INSYN2B: variants seen among roughly 807,000 people sequenced by gnomAD.
INSYN2B encodes the protein inhibitory synaptic factor family member 2B.
Under a neutral mutation model 41.2 loss-of-function variants are expected in INSYN2B, and 16 were observed. The observed-to-expected ratio is 0.39, with a 90% confidence interval of 0.26 to 0.59. INSYN2B has a LOEUF of 0.59. Ranked by LOEUF, INSYN2B falls within the 20% of genes least tolerant of loss-of-function variation. The probability of loss-of-function intolerance (pLI) is 0.57; values close to 1 mark genes in which losing one functional copy is unlikely to be tolerated. For missense variants in INSYN2B, 608 were observed against 646.4 expected, an observed-to-expected ratio of 0.94 and a Z score of 0.64; for synonymous variants, 245 against 244.4, an observed-to-expected ratio of 1.00 and a Z score of -0.02.
intron 1 of INSYN2B, among the ~76,000 whole-genome samples, chr5:169,926,265 T>C (rs1029924205): frequency 6.6e-6 from 1 of 152,240 alleles, no homozygotes; most frequent in Non-Finnish European, 1.5e-5. Context: ...ACCTGCCACC[T>C]GCAGACCCTG....
At chr5:169,910,487 G>C (rs924810838) in intron 1 of INSYN2B, among the ~76,000 whole-genome samples, 1 of 152,106 alleles carries the variant, frequency 6.6e-6, no homozygotes, top group Admixed American at 6.5e-5. Flanking sequence ...GGTTGGAGGC[G>C]TGCTTACCTT....
chr5:169,978,431 G>T, intron 1 of INSYN2B, among the ~76,000 whole-genome samples: 1 of 141,486 alleles, frequency 7.1e-6, no homozygotes, highest in African/African-American at 2.6e-5. Context: ...ATTAGAGGTT[G>T]TTAAATAGAT....
intron 3 of INSYN2B, among the ~76,000 whole-genome samples, chr5:169,871,145 T>C (rs1253887835): frequency 2.0e-5 from 3 of 152,146 alleles, no homozygotes; most frequent in Non-Finnish European, 4.4e-5. Context: ...AGTTTCTACC[T>C]CCAAATATCA....
At chr5:169,945,224 A>G (rs1475615857) in intron 1 of INSYN2B, among the ~76,000 whole-genome samples, 2 of 152,194 alleles carry the variant, frequency 1.3e-5, no homozygotes, top group Admixed American at 1.3e-4. Flanking sequence ...AAGTCATGCA[A>G]CCTCTCCAGG....
intron 1 of INSYN2B, among the ~76,000 whole-genome samples, chr5:169,947,093 A>G (rs560743106): frequency 6.6e-6 from 1 of 152,206 alleles, no homozygotes; most frequent in African/African-American, 2.4e-5. Flanking sequence ...TTTACACAAC[A>G]CTATGACTCC....
At chr5:169,953,299 C>G (rs1776739649) in intron 1 of INSYN2B, among the ~76,000 whole-genome samples, 1 of 149,800 alleles carries the variant, frequency 6.7e-6, no homozygotes, top group South Asian at 2.1e-4. Flanking sequence ...CACCATTATA[C>G]TCCAGCCTGG....
intron 1 of INSYN2B, among the ~76,000 whole-genome samples, chr5:169,946,782 A>G (rs1048891455): frequency 6.6e-6 from 1 of 152,222 alleles, no homozygotes; most frequent in Non-Finnish European, 1.5e-5. Flanking sequence ...CCTGTCATTG[A>G]GAGTGACGTG....
At chr5:169,944,543 G>A (rs559813155) in intron 1 of INSYN2B, among the ~76,000 whole-genome samples, 2 of 152,182 alleles carry the variant, frequency 1.3e-5, no homozygotes, top group Admixed American at 6.5e-5. Flanking sequence ...AAACTCCCCC[G>A]TCCTCAGTGG....
intron 1 of INSYN2B, among the ~76,000 whole-genome samples, chr5:169,938,477 A>G (rs888634611): frequency 1.3e-5 from 2 of 152,240 alleles, no homozygotes; most frequent in African/African-American, 4.8e-5. Context: ...CGAATACTGT[A>G]GGCAATTAGA....
At chr5:169,935,309 C>T (rs1246303223) in intron 1 of INSYN2B, among the ~76,000 whole-genome samples, 1 of 152,194 alleles carries the variant, frequency 6.6e-6, no homozygotes, top group Non-Finnish European at 1.5e-5. Context: ...AAAAAAAGGT[C>T]TCATCTCCCA....
rs10055680 is a variant in INSYN2B, at chr5:169,963,219, G to A, written c.-919+17058C>T. On this transcript the variant is annotated intron_variant, in intron 1 of 3. Coordinates refer to ENST00000377365, the MANE Select transcript of INSYN2B (RefSeq NM_001129891.3). ...ATGTTGCCTCTTTAAAGTGGTCCAC[G>A]TGGGGTGGGTATCAGTTTATGTCCA... Among the ~76,000 whole-genome samples, 788 of 152,288 alleles carry A rather than the reference G, an allele frequency of 5.2e-3. 5 individuals carry two copies. Among genetic ancestry groups the A allele is most frequent in the African/African-American group, 0.016 (685 of 41,546 alleles).
chr5:169,861,557 G>C lies in INSYN2B; in HGVS notation c.*2716C>G, dbSNP rs777554956. 6.6e-6 allele frequency among the ~76,000 whole-genome samples: 1 copy of C among 152,130 alleles called. No individual in the cohort carries two copies. Among genetic ancestry groups the C allele is most frequent in the Non-Finnish European group, 1.5e-5 (1 of 68,028 alleles). On this transcript the variant is annotated 3_prime_UTR_variant, in exon 4 of 4. Transcript: ENST00000377365. ...TTTCAATTTTATAAAAGTAATTTTT[G>C]CTAAGTTAATATCTCTCCAGCAAAC...
chr5:169,894,729 A>G (rs1261118741), intron 1 of INSYN2B, among the ~76,000 whole-genome samples: 2 of 152,244 alleles, frequency 1.3e-5, no homozygotes, highest in African/African-American at 4.8e-5. Context: ...GTAGGTGCTC[A>G]GTAAATGGTG....
intron 1 of INSYN2B, chr5:169,934,761 T>C (rs915281636): frequency 8.8e-6 from 4 of 454,778 alleles, no homozygotes; most frequent in African/African-American, 8.0e-5. Flanking sequence ...GCTCAGTAAA[T>C]GCTAGTTATC....
chr5:169,930,385 G>T (rs1775689601), intron 1 of INSYN2B, among the ~76,000 whole-genome samples: 1 of 152,218 alleles, frequency 6.6e-6, no homozygotes, highest in Non-Finnish European at 1.5e-5. Flanking sequence ...CACGACTGGG[G>T]TTGTCTGGGC....
intron 1 of INSYN2B, among the ~76,000 whole-genome samples, chr5:169,969,841 G>A (rs1777436501): frequency 6.6e-6 from 1 of 152,274 alleles, no homozygotes; most frequent in South Asian, 2.1e-4. Context: ...TCTTCAGGGG[G>A]CAGCTCCTTG....
At chr5:169,923,921 C>A (rs1019947425) in intron 1 of INSYN2B, among the ~76,000 whole-genome samples, 2 of 152,190 alleles carry the variant, frequency 1.3e-5, no homozygotes, top group African/African-American at 4.8e-5. Flanking sequence ...ATCTGCTGCT[C>A]CCTTGGAGAA....
intron 3 of INSYN2B, among the ~76,000 whole-genome samples, chr5:169,873,687 C>T (rs1772125096): frequency 2.0e-5 from 3 of 152,202 alleles, no homozygotes. Context: ...ACCCATAGGA[C>T]TGAGTGCATA....
intron 1 of INSYN2B, among the ~76,000 whole-genome samples, chr5:169,892,598 G>C (rs971816294): frequency 6.6e-6 from 1 of 152,200 alleles, no homozygotes; most frequent in Non-Finnish European, 1.5e-5. Context: ...AGCCACTAAT[G>C]CTATTTTTTT....
Sources: allele counts gnomAD v4.1 joint callset (sites outside exome capture counted in the v4.1 genomes callset), GRCh38; gene constraint gnomAD v4.1.1; transcripts MANE v1.5; gene names NCBI Gene and HGNC (gene_info 2026-07-23, HGNC 2026-07-21).